Variants in ADAMTS6 observed in about 807,000 individuals in gnomAD.
ADAMTS6 encodes the protein A disintegrin and metalloproteinase with thrombospondin motifs 6.
ADAMTS6 carries 23 observed loss-of-function variants against 144.3 expected under a neutral mutation model. The observed-to-expected ratio is 0.16, with a 90% CI of 0.11 to 0.23. The LOEUF (loss-of-function observed/expected upper bound fraction) is 0.23, where lower values mean the gene tolerates loss of function less well. ADAMTS6 is among the 10% of genes least tolerant of loss of function. ADAMTS6 has a pLI of 1.00. For missense variants in ADAMTS6, 999 were observed against 1,379.6 expected, an observed-to-expected ratio of 0.72 and a Z score of 4.37; for synonymous variants, 444 against 457.5, an observed-to-expected ratio of 0.97 and a Z score of 0.38.
intron 12 of ADAMTS6, among the ~76,000 whole-genome samples, chr5:65,270,712 T>C (rs1761984265): frequency 6.6e-6 from 1 of 152,230 alleles, no homozygotes; most frequent in South Asian, 2.1e-4. Context: ...AGATAAGTTT[T>C]AGACAGTGAT....
intron 7 of ADAMTS6, among the ~76,000 whole-genome samples, chr5:65,402,139 C>A (rs1205148225): frequency 1.3e-5 from 2 of 152,154 alleles, no homozygotes; most frequent in Non-Finnish European, 2.9e-5. Flanking sequence ...CCACTTTTCA[C>A]TGTTCCTCAC....
rs534749916 is a variant in ADAMTS6, at chr5:65,370,871, C to T, written c.1074-36786G>A. 3.3e-5 allele frequency among the ~76,000 whole-genome samples: 5 copies of T among 152,294 alleles called. No individual in the cohort carries two copies. The South Asian group carries it at 8.3e-4, about 25-fold the overall frequency. On this transcript the variant is annotated intron_variant, in intron 7 of 24. Transcript: ENST00000381055. The stretch of plus-strand genomic sequence containing the variant: ...AGTAACCTCTGCAGACTTAAATGTC[C>T]CTGTCTGACAGCTTTGAAGAGAGCA...
chr5:65,388,822 T>C (rs924671286), intron 7 of ADAMTS6, among the ~76,000 whole-genome samples: 3 of 152,202 alleles, frequency 2.0e-5, no homozygotes, highest in African/African-American at 7.2e-5. Flanking sequence ...ACTACTTTAA[T>C]TGTCATAGCC....
At chr5:65,197,211 T>A (rs1755444911) in intron 20 of ADAMTS6, 60 bp from the exon 21 acceptor site, 2 of 1,576,078 alleles carry the variant, frequency 1.3e-6, no homozygotes, top group Non-Finnish European at 8.7e-7. Flanking sequence ...AAGTTAGGTA[T>A]GCATAGCTTT....
intron 24 of ADAMTS6, among the ~76,000 whole-genome samples, chr5:65,156,706 T>A (rs1345395163): frequency 6.6e-6 from 1 of 152,204 alleles, no homozygotes; most frequent in Non-Finnish European, 1.5e-5. Flanking sequence ...GCAAACACAC[T>A]TATATCTATC....
At chr5:65,422,425 C>A (rs1756128964) in intron 7 of ADAMTS6, among the ~76,000 whole-genome samples, 1 of 152,116 alleles carries the variant, frequency 6.6e-6, no homozygotes, top group Non-Finnish European at 1.5e-5. Context: ...AGGTCAGGAC[C>A]ATCCTGGCCA....
rs574322808 is a variant in ADAMTS6 at position 65,303,654 on chromosome 5, A to T, written c.1224-3523T>A. Among the ~76,000 whole-genome samples, 256 of 151,932 alleles carry T rather than the reference A, an allele frequency of 1.7e-3. 1 individual carries two copies. The highest frequency in any genetic ancestry group is 5.9e-3 in the African/African-American group (247 of 41,542). ...ATTTAAAAATACTCTTAAGCATAAA[A>T]TATCTTTTAAAATATATTAGGATAT... On this transcript the variant is annotated intron_variant, in intron 9 of 24. Transcript: ENST00000381055.
At chr5:65,297,305 G>A in intron 10 of ADAMTS6, 1 of 452,172 alleles carries the variant, frequency 2.2e-6, no homozygotes, top group Non-Finnish European at 4.4e-6. Context: ...AGCATCTAGT[G>A]TTTTAGAATG....
At chr5:65,194,831 G>T (rs899053276) in intron 21 of ADAMTS6, among the ~76,000 whole-genome samples, 1 of 152,084 alleles carries the variant, frequency 6.6e-6, no homozygotes, top group Non-Finnish European at 1.5e-5. Flanking sequence ...TACATAAGGA[G>T]ATAGAAAGCT....
intron 9 of ADAMTS6, among the ~76,000 whole-genome samples, chr5:65,317,388 T>C (rs1745110891): frequency 1.3e-5 from 2 of 152,176 alleles, no homozygotes; most frequent in African/African-American, 4.8e-5. Context: ...TCTCTCACCA[T>C]ATACAATAAT....
intron 20 of ADAMTS6, chr5:65,210,513 T>A (rs906995292): frequency 7.7e-6 from 3 of 392,000 alleles, no homozygotes; most frequent in Non-Finnish European, 1.4e-5. Context: ...ATGAATATAA[T>A]GTGGAAAGCA....
chr5:65,292,661 ATAGAGT>A (rs1274185877), intron 10 of ADAMTS6, among the ~76,000 whole-genome samples: 11 of 152,148 alleles, frequency 7.2e-5, no homozygotes, highest in East Asian at 1.9e-4. Flanking sequence ...CTACGGTGAT[ATAGAGT>A]TAAAGACCAA....
chr5:65,399,272 C>G (rs1753717235), intron 7 of ADAMTS6, among the ~76,000 whole-genome samples: 1 of 152,162 alleles, frequency 6.6e-6, no homozygotes, highest in Non-Finnish European at 1.5e-5. Context: ...AAGTGGACTT[C>G]TTGTAGACAA....
At chr5:65,404,227 T>C (rs1754212964) in intron 7 of ADAMTS6, among the ~76,000 whole-genome samples, 1 of 152,126 alleles carries the variant, frequency 6.6e-6, no homozygotes, top group South Asian at 2.1e-4. Context: ...ACAAATGCCA[T>C]GTTGGTGTGC....
intron 13 of ADAMTS6, among the ~76,000 whole-genome samples, chr5:65,261,959 GA>G (rs1339871017): frequency 6.6e-6 from 1 of 151,664 alleles, no homozygotes; most frequent in African/African-American, 2.4e-5. Context: ...AAAAAAAAAG[GA>G]AAAGCCGTTA....
intron 15 of ADAMTS6, among the ~76,000 whole-genome samples, chr5:65,229,376 A>C (rs1338602826): frequency 1.3e-5 from 2 of 152,220 alleles, no homozygotes; most frequent in African/African-American, 4.8e-5. Flanking sequence ...AGACAGCAAC[A>C]CAGTACTTCA....
At chr5:65,264,075 T>C (rs770245190) in intron 12 of ADAMTS6, among the ~76,000 whole-genome samples, 2 of 152,212 alleles carry the variant, frequency 1.3e-5, no homozygotes, top group Admixed American at 6.5e-5. Flanking sequence ...ATCGCTATAC[T>C]CTAGATCAAA....
intron 7 of ADAMTS6, among the ~76,000 whole-genome samples, chr5:65,427,472 C>A (rs1561532504): frequency 6.6e-6 from 1 of 151,936 alleles, no homozygotes; most frequent in Non-Finnish European, 1.5e-5. Flanking sequence ...TACAGATAAA[C>A]TAAAATTTAG....
At chr5:65,286,606 T>C (rs1284660019) in intron 11 of ADAMTS6, among the ~76,000 whole-genome samples, 1 of 152,242 alleles carries the variant, frequency 6.6e-6, no homozygotes, top group African/African-American at 2.4e-5. Flanking sequence ...TACCTGTAGA[T>C]GAACAATCAG....
Sources: gnomAD v4.1 joint callset for allele counts (sites outside exome capture counted in the v4.1 genomes callset) on GRCh38, gnomAD v4.1.1 for gene constraint, MANE v1.5 for transcripts, NCBI Gene and HGNC (gene_info 2026-07-23, HGNC 2026-07-21) for gene names.